The following SRPK1 variants were observed in gnomAD, a reference collection of about 807,000 sequenced individuals.
SRPK1 encodes the protein SFRS protein kinase 1.
Under a neutral mutation model 89.5 loss-of-function variants are expected in SRPK1, and 52 were observed. The ratio of observed to expected loss-of-function variants is 0.58; its 90% CI spans 0.46 to 0.73. SRPK1 has a LOEUF of 0.73. Among genes scored for constraint, SRPK1 ranks in the 30% least tolerant of loss-of-function variants. The pLI is 0.00. For synonymous variants in SRPK1, 255 were observed against 270.2 expected, an observed-to-expected ratio of 0.94 and a Z score of 0.55; for missense variants, 603 against 780.6, an observed-to-expected ratio of 0.77 and a Z score of 2.71.
At chr6:35,882,384 A>T (rs374607917) in intron 6 of SRPK1, among the ~76,000 whole-genome samples, 42 of 152,128 alleles carry the variant, frequency 2.8e-4, no homozygotes, top group African/African-American at 9.9e-4. Context: ...TGGCACTATC[A>T]TAGCTCACTG....
intron 13 of SRPK1, among the ~76,000 whole-genome samples, 187 bp from the exon 14 acceptor site, chr6:35,842,791 A>C (rs1769340165): frequency 6.6e-6 from 1 of 151,994 alleles, no homozygotes; most frequent in Non-Finnish European, 1.5e-5. Context: ...CCCTATCTTA[A>C]TAAAATGGAG....
At chr6:35,895,382 A>G (rs1185585788) in intron 2 of SRPK1, among the ~76,000 whole-genome samples, 1 of 152,066 alleles carries the variant, frequency 6.6e-6, no homozygotes, top group Non-Finnish European at 1.5e-5. Context: ...TCATGTTACG[A>G]AGTTAAAGTG....
chr6:35,906,173 C>T (rs1157696101), intron 2 of SRPK1, among the ~76,000 whole-genome samples: 1 of 152,056 alleles, frequency 6.6e-6, no homozygotes, highest in Non-Finnish European at 1.5e-5. Context: ...CTCCAATTAG[C>T]CAACAGTGGA....
chr6:35,883,072 G>A (rs928537359), intron 6 of SRPK1, among the ~76,000 whole-genome samples: 6 of 152,224 alleles, frequency 3.9e-5, no homozygotes, highest in African/African-American at 1.4e-4. Flanking sequence ...CTCCCAAAGT[G>A]CTGGGATTAT....
chr6:35,891,877 T>C (rs1185036756), intron 2 of SRPK1, among the ~76,000 whole-genome samples: 1 of 152,194 alleles, frequency 6.6e-6, no homozygotes, highest in Non-Finnish European at 1.5e-5. Context: ...TATTCTGTAA[T>C]TAGAATTATT....
chr6:35,877,617 C>T (rs1197384607), intron 6 of SRPK1, among the ~76,000 whole-genome samples: 2 of 151,870 alleles, frequency 1.3e-5, no homozygotes, highest in South Asian at 2.1e-4. Flanking sequence ...CCGAGGTGGG[C>T]GGATCACGAG....
chr6:35,871,157 A>G (rs1770028046), intron 8 of SRPK1, among the ~76,000 whole-genome samples, 198 bp from the exon 9 acceptor site: 1 of 151,742 alleles, frequency 6.6e-6, no homozygotes, highest in Admixed American at 6.5e-5. Flanking sequence ...AGAAATTGCC[A>G]AACTTAAAAA....
In SRPK1 at chr6:35,921,041, C is replaced by T. The variant is rs755722413; in HGVS notation, c.13+3G>A. On this transcript the variant is annotated splice_donor_region_variant and intron_variant, in intron 1 of 15. Transcript: ENST00000373825. ...TCGTGGCGGAGGCCGCTCCACCGCT[C>T]ACCTTTCCGCTCCATGGTGAGACCG... is the stretch of plus-strand genomic sequence containing the variant. 1.7e-5 allele frequency: 26 copies of T among 1,546,260 alleles called. No homozygotes were observed. The highest frequency in any genetic ancestry group is 2.3e-5 in the Non-Finnish European group (26 of 1,148,822).
chr6:35,835,177 T>A lies in SRPK1; in HGVS notation c.*127A>T, dbSNP rs1769150873. On this transcript the variant is annotated 3_prime_UTR_variant, in exon 16 of 16. Coordinates refer to ENST00000373825, the MANE Select transcript of SRPK1 (RefSeq NM_003137.5). ...GCAAACCCAAATGAACATGTTGGAT[T>A]AAAAAAAAAACAAGATCTAGAAACT... 1.3e-6 allele frequency: 1 copy of A among 794,926 alleles called. No homozygotes were observed. Among genetic ancestry groups the A allele is most frequent in the Non-Finnish European group, 1.8e-6 (1 of 543,564 alleles). The allele number at this position is 794,926 out of a possible 1,614,324, so 49.2% of individuals were successfully genotyped here. A position where few individuals can be genotyped will look rare whatever the true frequency, so the allele number is the denominator to read the frequency against.
At chr6:35,857,903 G>A in intron 12 of SRPK1, among the ~76,000 whole-genome samples, 1 of 152,078 alleles carries the variant, frequency 6.6e-6, no homozygotes. Context: ...ACCCTTTGAA[G>A]CCCTGGTGTA....
At chr6:35,857,508 C>A (rs1463496527) in intron 12 of SRPK1, 140 bp from the exon 13 acceptor site, 2 of 657,430 alleles carry the variant, frequency 3.0e-6, no homozygotes, top group Admixed American at 2.7e-5. Context: ...TCTTAAACAG[C>A]ATTTTTATGT....
At chr6:35,898,001 G>A (rs1251532354) in intron 2 of SRPK1, among the ~76,000 whole-genome samples, 1 of 152,104 alleles carries the variant, frequency 6.6e-6, no homozygotes, top group Non-Finnish European at 1.5e-5. Flanking sequence ...CATCTATGCA[G>A]GCCAATTGAT....
At chr6:35,873,165 A>T (rs1276715953) in intron 7 of SRPK1, among the ~76,000 whole-genome samples, 1 of 152,178 alleles carries the variant, frequency 6.6e-6, no homozygotes, top group African/African-American at 2.4e-5. Context: ...AAATTTTTGC[A>T]CCTTGAAGTA....
At chr6:35,876,892 T>C (rs1770166718) in intron 6 of SRPK1, among the ~76,000 whole-genome samples, 2 of 152,074 alleles carry the variant, frequency 1.3e-5, no homozygotes, top group Non-Finnish European at 2.9e-5. Flanking sequence ...GTTGAATCAA[T>C]GGGAGCTGAG....
intron 6 of SRPK1, among the ~76,000 whole-genome samples, chr6:35,886,383 T>G (rs1770410515): frequency 6.6e-6 from 1 of 152,134 alleles, no homozygotes; most frequent in African/African-American, 2.4e-5. Context: ...CCCGGCCTAC[T>G]CAGTATTTTT....
At chr6:35,894,882 T>G (rs1455415785) in intron 2 of SRPK1, among the ~76,000 whole-genome samples, 2 of 151,998 alleles carry the variant, frequency 1.3e-5, no homozygotes, top group African/African-American at 4.8e-5. Flanking sequence ...GCAGTAAAAC[T>G]GAGAAAGAAG....
At chr6:35,911,920 A>G (rs982947255) in intron 2 of SRPK1, among the ~76,000 whole-genome samples, 1 of 140,510 alleles carries the variant, frequency 7.1e-6, no homozygotes, top group Non-Finnish European at 1.6e-5. Flanking sequence ...ATCGCATACT[A>G]CAGAAAAATC....
chr6:35,855,134 T>C (rs1403177393), intron 13 of SRPK1, among the ~76,000 whole-genome samples: 2 of 152,038 alleles, frequency 1.3e-5, no homozygotes, highest in East Asian at 1.9e-4. Context: ...ACCCCGTCTC[T>C]ACTAAAAATA....
At chr6:35,850,789 G>C (rs996284226) in intron 13 of SRPK1, among the ~76,000 whole-genome samples, 1 of 152,186 alleles carries the variant, frequency 6.6e-6, no homozygotes, top group Non-Finnish European at 1.5e-5. Flanking sequence ...CAAGTTCTAT[G>C]TGACAAAGAA....
Sources: allele counts gnomAD v4.1 joint callset (sites outside exome capture counted in the v4.1 genomes callset), GRCh38; gene constraint gnomAD v4.1.1; transcripts MANE v1.5; gene names NCBI Gene and HGNC (gene_info 2026-07-23, HGNC 2026-07-21).